Variants in MICAL3 observed in about 807,000 individuals in gnomAD.
The protein encoded by MICAL3 is microtubule associated monooxygenase, calponin and LIM domain containing 3, also known as [F-actin]-monooxygenase MICAL3.
In MICAL3, 62 loss-of-function variants were observed where a neutral mutation model predicts 207.4. The observed-to-expected ratio is 0.30, with a 90% CI of 0.24 to 0.37. MICAL3 has a LOEUF of 0.37. MICAL3 is among the 10% of genes least tolerant of loss of function. The pLI is 1.00. For missense variants in MICAL3, 2,368 were observed against 2,635.6 expected (o/e 0.90, Z 2.22); for synonymous variants, 1,077 against 1,069.3 (o/e 1.01, Z -0.14).
chr22:17,864,998 C>T lies in MICAL3; in HGVS notation c.2518-12G>A. On this transcript the variant is annotated splice_polypyrimidine_tract_variant and intron_variant, in intron 18 of 31. Coordinates refer to ENST00000441493, the MANE Select transcript of MICAL3 (RefSeq NM_015241.3). Reference sequence around the variant, plus strand: ...GGTCCTTTGGCCTCCTAGGAAAGTTCATGAGAAAAAGAAGAGTGACTCTGA... The same window carrying T: ...GGTCCTTTGGCCTCCTAGGAAAGTTTATGAGAAAAAGAAGAGTGACTCTGA... 6.3e-7 allele frequency: 1 copy of T among 1,592,350 alleles called. No individual in the cohort carries two copies. The highest frequency in any genetic ancestry group is 8.6e-7 in the Non-Finnish European group (1 of 1,164,760).
At position 17,896,753 on chromosome 22, in the gene MICAL3, C is replaced by A. The variant is rs368523959; in HGVS notation, c.1177G>T (p.Val393Leu). 1.7e-5 allele frequency: 27 copies of A among 1,613,798 alleles called. No individual in the cohort carries two copies. The highest frequency in any genetic ancestry group is 8.9e-5 in the East Asian group (4 of 44,894). Residue 393 changes from valine (V) to leucine (L), a missense_variant, in exon 8 of 32, where the codon GTG becomes TTG. Coordinates refer to ENST00000441493, the MANE Select transcript of MICAL3 (RefSeq NM_015241.3). ...VREQNGHQLL[V>L]ALVGDSLLEP... The stretch of plus-strand genomic sequence containing the variant: ...AGGAGGCTGTCCCCGACCAGAGCCA[C>A]TAGTAACTGGTGTCCGTTCTGCTCC...
At position 17,906,895 on chromosome 22, in the gene MICAL3, A is replaced by C. The variant is rs1024624098; in HGVS notation, c.-74-9T>G. On this transcript the variant is annotated splice_polypyrimidine_tract_variant and intron_variant, in intron 1 of 31. Coordinates refer to ENST00000441493, the MANE Select transcript of MICAL3 (RefSeq NM_015241.3). ...GACACTGTCACGTTAATCTGACAAA[A>C]AGAAAGAAAAACGTGGTTAGCATTT... 1.5e-6 allele frequency: 2 copies of C among 1,349,502 alleles called. No individual in the cohort carries two copies. The highest frequency in any genetic ancestry group is 2.9e-5 in the African/African-American group (2 of 68,398). The allele number at this position is 1,349,502 out of a possible 1,614,324, so 83.6% of individuals were successfully genotyped here.
chr22:17,909,534 C>CAA (rs1473254768), intron 1 of MICAL3, among the ~76,000 whole-genome samples: 2 of 152,120 alleles, frequency 1.3e-5, no homozygotes, highest in Non-Finnish European at 2.9e-5. Flanking sequence ...CAAAACAAAA[C>CAA]AAAACAAAAA....
chr22:17,849,397 C>T (rs979470631), intron 19 of MICAL3, among the ~76,000 whole-genome samples: 2 of 152,208 alleles, frequency 1.3e-5, no homozygotes, highest in Admixed American at 1.3e-4. Flanking sequence ...TGCACCGGTG[C>T]AATCATGGCT....
At chr22:17,826,381 T>C in intron 22 of MICAL3, 2 of 845,610 alleles carry the variant, frequency 2.4e-6, no homozygotes, top group African/African-American at 1.8e-5. Flanking sequence ...AGGAGTCTAG[T>C]GTTAAGGTAC....
intron 1 of MICAL3, among the ~76,000 whole-genome samples, chr22:17,976,119 A>T (rs1188809005): frequency 6.6e-6 from 1 of 152,216 alleles, no homozygotes; most frequent in African/African-American, 2.4e-5. Context: ...TCAGTATGTA[A>T]GTTAAATGTT....
chr22:17,810,921 T>C, intron 27 of MICAL3, 108 bp from the exon 28 acceptor site: 3 of 827,690 alleles, frequency 3.6e-6, no homozygotes, highest in Non-Finnish European at 6.1e-6. Flanking sequence ...ATGTCGGAGC[T>C]GGTACCCGGG....
At chr22:17,904,551 A>AAG (rs1931576232) in intron 3 of MICAL3, 81 bp downstream of exon 3, 10 of 1,063,088 alleles carry the variant, frequency 9.4e-6, no homozygotes, top group Non-Finnish European at 1.5e-5. Context: ...TGAATTCCTC[A>AAG]GCTAATCTGC....
At chr22:17,913,394 C>T (rs190729969) in intron 1 of MICAL3, among the ~76,000 whole-genome samples, 5 of 152,304 alleles carry the variant, frequency 3.3e-5, no homozygotes, top group Admixed American at 2.6e-4. Context: ...GGGGAAAGCA[C>T]TAGCCTGGCC....
chr22:18,010,933 G>A (rs1413371196), intron 1 of MICAL3, among the ~76,000 whole-genome samples: 1 of 152,094 alleles, frequency 6.6e-6, no homozygotes, highest in Non-Finnish European at 1.5e-5. Flanking sequence ...TTGTAAAATA[G>A]CAGCCCTTCC....
At position 17,825,290 on chromosome 22, in the gene MICAL3, C is replaced by T. The variant is rs956125650; in HGVS notation, c.3194-2230G>A. ...AAAATAAACAGGTGAGAAATATCAA[C>T]GCAGCAGCAGCAGTGTTGAAAGGGA... On this transcript the variant is annotated intron_variant, in intron 22 of 31. Coordinates refer to ENST00000441493, the MANE Select transcript of MICAL3 (RefSeq NM_015241.3). 3.6e-4 allele frequency among the ~76,000 whole-genome samples: 55 copies of T among 152,140 alleles called. 1 individual carries two copies. The highest frequency in any genetic ancestry group is 7.4e-5 in the Non-Finnish European group (5 of 68,016).
chr22:17,974,723 T>TAAAAAAA (rs5844339), intron 1 of MICAL3, among the ~76,000 whole-genome samples: 1 of 106,126 alleles, frequency 9.4e-6, no homozygotes, highest in Non-Finnish European at 1.9e-5. Context: ...GACTCCGTCT[T>TAAAAAAA]AAAAAAAAAA....
At chr22:17,867,168 A>G (rs564422355) in intron 17 of MICAL3, among the ~76,000 whole-genome samples, 1 of 152,286 alleles carries the variant, frequency 6.6e-6, no homozygotes, top group African/African-American at 2.4e-5. Flanking sequence ...TCCCTATCCA[A>G]TGCTGAATAA....
chr22:18,012,275 T>A (rs1237632126), intron 1 of MICAL3, among the ~76,000 whole-genome samples: 1 of 152,206 alleles, frequency 6.6e-6, no homozygotes, highest in African/African-American at 2.4e-5. Flanking sequence ...ACTTTTTGTT[T>A]CCTGAAAAGC....
intron 19 of MICAL3, among the ~76,000 whole-genome samples, chr22:17,848,128 A>G (rs1166881854): frequency 6.6e-6 from 1 of 152,250 alleles, no homozygotes; most frequent in African/African-American, 2.4e-5. Context: ...CCAGGTTGGC[A>G]GCATGAGCCT....
At position 17,872,909 on chromosome 22, in the gene MICAL3, A is replaced by G. The variant is rs1927869980; in HGVS notation, c.2242-886T>C. 5 of 1,137,714 alleles carry G rather than the reference A, an allele frequency of 4.4e-6. No individual in the cohort carries two copies. In the South Asian group the frequency reaches 6.2e-5, roughly 14 times the overall value. 70.5% of individuals were successfully genotyped at this position (1,137,714 alleles called of 1,614,324 possible). A position where few individuals can be genotyped will look rare whatever the true frequency, so the allele number is the denominator to read the frequency against. ...AATGAAGGGAAATGAGAAGGAAAAA[A>G]ATACATAAATTAAGAAGACACGGGG... On this transcript the variant is annotated intron_variant, in intron 16 of 31. Transcript: ENST00000441493.
chr22:17,894,203 G>T (rs1430614530), intron 10 of MICAL3, among the ~76,000 whole-genome samples: 3 of 152,004 alleles, frequency 2.0e-5, no homozygotes, highest in Admixed American at 6.6e-5. Flanking sequence ...CTTAAGGCTA[G>T]GAGTTTGAGA....
At chr22:17,950,163 T>G (rs1934262135) in intron 1 of MICAL3, among the ~76,000 whole-genome samples, 1 of 143,180 alleles carries the variant, frequency 7.0e-6, no homozygotes, top group African/African-American at 2.7e-5. Flanking sequence ...GGTACAGCTG[T>G]CTATTTTTTT....
At chr22:17,989,653 C>T (rs1300686376) in intron 1 of MICAL3, among the ~76,000 whole-genome samples, 10 of 152,166 alleles carry the variant, frequency 6.6e-5, no homozygotes, top group African/African-American at 1.4e-4. Context: ...GCATCTCCTC[C>T]GTAGGCCCAC....
Sources: gnomAD v4.1 joint callset for allele counts (sites outside exome capture counted in the v4.1 genomes callset) on GRCh38, gnomAD v4.1.1 for gene constraint, MANE v1.5 for transcripts, NCBI Gene and HGNC (gene_info 2026-07-23, HGNC 2026-07-21) for gene names.